ARID4B: variants seen among roughly 807,000 people sequenced by gnomAD.
The protein encoded by ARID4B is AT-rich interaction domain 4B.
ARID4B carries 26 observed loss-of-function variants against 147.5 expected under a neutral mutation model. The ratio of observed to expected loss-of-function variants is 0.18; its 90% CI spans 0.13 to 0.24. The LOEUF (loss-of-function observed/expected upper bound fraction) is 0.24. Among genes scored for constraint, ARID4B ranks in the 10% least tolerant of loss-of-function variants. ARID4B has a pLI of 1.00. For missense variants in ARID4B, 1,179 were observed against 1,511.5 expected, an observed-to-expected ratio of 0.78 and a Z score of 3.65; for synonymous variants, 512 against 507.9, an observed-to-expected ratio of 1.01 and a Z score of -0.11.
intron 17 of ARID4B, among the ~76,000 whole-genome samples, chr1:235,212,944 G>A (rs1177853871): frequency 2.0e-5 from 3 of 152,112 alleles, no homozygotes; most frequent in Admixed American, 6.5e-5. Context: ...AACTTCTATG[G>A]TTAATCTTTC....
At chr1:235,231,876 G>A (rs1668261083) in intron 9 of ARID4B, among the ~76,000 whole-genome samples, 1 of 152,218 alleles carries the variant, frequency 6.6e-6, no homozygotes, top group South Asian at 2.1e-4. Context: ...GGGAGGTCAA[G>A]GTGGGAGGAC....
At chr1:235,224,676 C>T (rs370349149) in intron 12 of ARID4B, 27 bp downstream of exon 12, 6 of 1,459,854 alleles carry the variant, frequency 4.1e-6, no homozygotes, top group South Asian at 2.4e-5. Flanking sequence ...AAACTTACCA[C>T]GTTAATGATA....
intron 2 of ARID4B, among the ~76,000 whole-genome samples, chr1:235,295,401 T>C (rs1248714770): frequency 1.3e-5 from 2 of 151,496 alleles, no homozygotes; most frequent in South Asian, 4.2e-4. Flanking sequence ...TCCCAGCTAC[T>C]TGGGATGCTA....
At chr1:235,257,346 CATCCCA>C (rs1670046231) in intron 3 of ARID4B, 121 bp from the exon 4 acceptor site, 2 of 648,034 alleles carry the variant, frequency 3.1e-6, no homozygotes, top group African/African-American at 1.8e-5. Context: ...GTTTATACAA[CATCCCA>C]ATCCCTAAGT....
At chr1:235,268,934 A>G (rs12095886) in intron 2 of ARID4B, among the ~76,000 whole-genome samples, 70,548 of 152,046 alleles carry the variant, frequency 0.46, 16,718 homozygotes, top group South Asian at 0.6. Context: ...CATTTCAAAC[A>G]GACACAGGAA....
intron 21 of ARID4B, among the ~76,000 whole-genome samples, chr1:235,177,450 TTTTG>T (rs756864208): frequency 4.6e-5 from 7 of 152,164 alleles, no homozygotes; most frequent in East Asian, 1.9e-4. Flanking sequence ...TTTTGTTTTG[TTTTG>T]TTTGTTTTTG....
intron 10 of ARID4B, among the ~76,000 whole-genome samples, chr1:235,230,141 G>T (rs187476380): frequency 4.4e-4 from 67 of 152,234 alleles, no homozygotes; most frequent in African/African-American, 1.5e-3. Flanking sequence ...CCTCAGTCAG[G>T]CGTGATGGCT....
At chr1:235,214,145 C>T in intron 16 of ARID4B, 119 bp from the exon 17 acceptor site, 4 of 1,248,850 alleles carry the variant, frequency 3.2e-6, no homozygotes, top group African/African-American at 1.5e-5. Context: ...GCAGGTTCCA[C>T]GTGTATGAAA....
At chr1:235,311,399 A>AATTATT (rs1553317774) in intron 2 of ARID4B, among the ~76,000 whole-genome samples, 1 of 135,278 alleles carries the variant, frequency 7.4e-6, no homozygotes, top group Non-Finnish European at 1.6e-5. Context: ...TAATAATAAT[A>AATTATT]ATTCATAGGA....
At chr1:235,192,109 G>T (rs936685624) in intron 19 of ARID4B, among the ~76,000 whole-genome samples, 3 of 152,024 alleles carry the variant, frequency 2.0e-5, no homozygotes, top group Non-Finnish European at 1.5e-5. Context: ...CTAAAAAAAT[G>T]AAGTAAAATA....
chr1:235,327,300 C>G (rs1055707809), intron 1 of ARID4B: 2 of 157,816 alleles, frequency 1.3e-5, no homozygotes, highest in Non-Finnish European at 2.8e-5. Context: ...CCTAGGGCCT[C>G]GGCGCCCGGC....
chr1:235,273,233 G>A (rs1166538475), intron 2 of ARID4B, among the ~76,000 whole-genome samples: 1 of 152,054 alleles, frequency 6.6e-6, no homozygotes, highest in Admixed American at 6.6e-5. Flanking sequence ...TTATAGAGAC[G>A]AGTTTTCACC....
rs1287229785 is a variant in ARID4B at position 235,296,703 on chromosome 1, GC to G, written c.6+30210del. On this transcript the variant is annotated intron_variant, in intron 2 of 23. Coordinates refer to ENST00000264183, the MANE Select transcript of ARID4B (RefSeq NM_016374.6). ...TCGAACTCCTGGGCTCAAGTGATCC[GC>G]CCACCTCAGCCTCCCAGAGTGCTTA... Among the ~76,000 whole-genome samples the G allele has an allele frequency of 2.0e-5, 3 of 148,354 alleles. No individual in the cohort carries two copies. In the South Asian group the frequency reaches 6.4e-4, roughly 32 times the overall value.
intron 19 of ARID4B, among the ~76,000 whole-genome samples, chr1:235,190,374 G>A (rs947916445): frequency 1.3e-5 from 2 of 152,120 alleles, no homozygotes; most frequent in Non-Finnish European, 2.9e-5. Context: ...CTTGAACCCA[G>A]GAGGCAGAGG....
intron 17 of ARID4B, among the ~76,000 whole-genome samples, chr1:235,200,176 C>A (rs978758572): frequency 2.6e-5 from 4 of 151,254 alleles, no homozygotes; most frequent in African/African-American, 4.9e-5. Flanking sequence ...AAAATTAGGC[C>A]GGGCGCAGTG....
At chr1:235,199,252 AAATATTAGCT>A (rs1429422315) in intron 17 of ARID4B, among the ~76,000 whole-genome samples, 1 of 152,202 alleles carries the variant, frequency 6.6e-6, no homozygotes, top group Non-Finnish European at 1.5e-5. Context: ...ACAGATCTAT[AAATATTAGCT>A]AATATTATGA....
Position 235,260,645 on chromosome 1 carries a change from G to C in ARID4B, c.114C>G (p.Val38=), listed in dbSNP as rs913411189. The C allele has an allele frequency of 1.3e-6, 2 of 1,595,262 alleles. No individual in the cohort carries two copies. The highest frequency in any genetic ancestry group is 2.7e-5 in the African/African-American group (2 of 74,088). Residue 38 remains valine (V), a synonymous_variant, in exon 3 of 24, where the codon GTC becomes GTG. Coordinates refer to ENST00000264183, the MANE Select transcript of ARID4B (RefSeq NM_016374.6). The part of the protein sequence containing the change: ...KIKTAKRLVK[V]KVTFRHDSST... ...ATGAAATCTATAAATACTGTACCTT[G>C]ACTTTGACAAGTCTTTTTGCTGTCT...
intron 17 of ARID4B, among the ~76,000 whole-genome samples, chr1:235,198,192 C>G (rs751926437): frequency 1.1e-4 from 16 of 152,154 alleles, no homozygotes; most frequent in Non-Finnish European, 2.4e-4. Flanking sequence ...CATGTTCTAC[C>G]TTTCTTAACC....
chr1:235,216,874 G>GT (rs1667128435), intron 16 of ARID4B, among the ~76,000 whole-genome samples: 1 of 151,596 alleles, frequency 6.6e-6, no homozygotes, highest in Non-Finnish European at 1.5e-5. Flanking sequence ...ATATTTTATT[G>GT]TGGCCACAAT....
Sources: gnomAD v4.1 joint callset for allele counts (sites outside exome capture counted in the v4.1 genomes callset) on GRCh38, gnomAD v4.1.1 for gene constraint, MANE v1.5 for transcripts, NCBI Gene and HGNC (gene_info 2026-07-23, HGNC 2026-07-21) for gene names.